Variants in LARGE1 observed in about 807,000 individuals in gnomAD.
The protein encoded by LARGE1 is xylosyl- and glucuronyltransferase LARGE1.
In LARGE1, 43 loss-of-function variants were observed where a neutral mutation model predicts 87.6. The ratio of observed to expected loss-of-function variants is 0.49; its 90% CI spans 0.38 to 0.63. The LOEUF is 0.63. Among genes scored for constraint, LARGE1 ranks in the 30% least tolerant of loss-of-function variants. The pLI is 0.00. For missense variants in LARGE1, 802 were observed against 1,000.2 expected, an observed-to-expected ratio of 0.80 and a Z score of 2.67; for synonymous variants, 434 against 394.6, an observed-to-expected ratio of 1.10 and a Z score of -1.18.
At chr22:33,560,209 A>T (rs2077814376) in intron 6 of LARGE1, among the ~76,000 whole-genome samples, 1 of 152,172 alleles carries the variant, frequency 6.6e-6, no homozygotes, top group Non-Finnish European at 1.5e-5. Context: ...TAATCACTTC[A>T]TGGGAGGGTT....
At chr22:33,889,473 A>C (rs1028473679) in intron 1 of LARGE1, among the ~76,000 whole-genome samples, 6 of 152,228 alleles carry the variant, frequency 3.9e-5, no homozygotes, top group African/African-American at 1.2e-4. Flanking sequence ...AATTTTGTGT[A>C]ATGGTTTCCT....
rs1184405355 is a variant in LARGE1 at position 33,626,134 on chromosome 22, C to G, written c.491+110G>C. ...TCAGACAAAAATTACATTTTTATGGCAGCTAGAATGATTGATGAGAAATTT... is the reference window on the plus strand; with the variant it reads ...TCAGACAAAAATTACATTTTTATGGGAGCTAGAATGATTGATGAGAAATTT... On this transcript the variant is annotated intron_variant, in intron 4 of 14. Transcript: ENST00000397394. The G allele has an allele frequency of 4.6e-6, 4 of 868,274 alleles. No homozygotes were observed. The African/African-American group carries it at 6.5e-5, about 14-fold the overall frequency. 53.8% of individuals were successfully genotyped at this position (868,274 alleles called of 1,614,324 possible).
At position 33,389,355 on chromosome 22, in the gene LARGE1, G is replaced by A. The variant is rs2065436078; in HGVS notation, c.893-5051C>T. On this transcript the variant is annotated intron_variant, in intron 7 of 14. Transcript: ENST00000397394. ...CTTAAAACCCACTGGGAGTTAAGCT[G>A]CTTATGGCTGGAAAGGCTGATCCAA... Among the ~76,000 whole-genome samples the A allele has an allele frequency of 5.3e-5, 8 of 152,316 alleles. No individual in the cohort carries two copies. In the South Asian group the frequency reaches 1.7e-3, roughly 32 times the overall value.
At chr22:33,169,378 A>C (rs1922439240) in intron 11 of LARGE1, among the ~76,000 whole-genome samples, 1 of 152,132 alleles carries the variant, frequency 6.6e-6, no homozygotes, top group South Asian at 2.1e-4. Context: ...GTGGGTTGCA[A>C]CTAGAGTCAA....
At chr22:33,650,170 A>C (rs977057189) in intron 3 of LARGE1, among the ~76,000 whole-genome samples, 197 bp downstream of exon 3, 2 of 152,208 alleles carry the variant, frequency 1.3e-5, no homozygotes, top group Non-Finnish European at 2.9e-5. Context: ...TCAGATGGGA[A>C]AACAGAAGCT....
At chr22:33,526,982 T>G (rs148484574) in intron 6 of LARGE1, among the ~76,000 whole-genome samples, 1 of 152,156 alleles carries the variant, frequency 6.6e-6, no homozygotes. Context: ...TCCGGCTGGG[T>G]GCAGTGGCAC....
intron 2 of LARGE1, among the ~76,000 whole-genome samples, chr22:33,736,505 G>T (rs957161394): frequency 6.6e-6 from 1 of 152,166 alleles, no homozygotes; most frequent in African/African-American, 2.4e-5. Flanking sequence ...TCATTGTTAA[G>T]TTATAAGAGT....
chr22:33,719,036 G>A (rs1363397068), intron 2 of LARGE1, among the ~76,000 whole-genome samples: 8 of 152,072 alleles, frequency 5.3e-5, no homozygotes, highest in South Asian at 2.1e-4. Context: ...TGATCCACCC[G>A]CCTCAGCCTC....
At chr22:33,684,066 C>G (rs1298346915) in intron 2 of LARGE1, among the ~76,000 whole-genome samples, 1 of 152,134 alleles carries the variant, frequency 6.6e-6, no homozygotes, top group Non-Finnish European at 1.5e-5. Context: ...GAGATACTAA[C>G]AGTTTTGTAG....
intron 5 of LARGE1, among the ~76,000 whole-genome samples, chr22:33,592,223 T>A (rs1405521578): frequency 6.7e-6 from 1 of 149,942 alleles, no homozygotes; most frequent in African/African-American, 2.5e-5. Flanking sequence ...GTGTTAAGAT[T>A]CATTTCAAGT....
At chr22:33,294,833 A>C (rs576408645) in intron 12 of LARGE1, among the ~76,000 whole-genome samples, 2 of 152,266 alleles carry the variant, frequency 1.3e-5, no homozygotes, top group East Asian at 3.9e-4. Flanking sequence ...GGAGGAATCT[A>C]TTTGTAACTG....
chr22:33,092,107 T>C, the LARGE1 span, among the ~76,000 whole-genome samples: 5 of 152,048 alleles, frequency 3.3e-5, no homozygotes, highest in African/African-American at 1.2e-4. Context: ...ACCATGTTGG[T>C]CAAGCTGGTC....
At chr22:33,445,578 G>T (rs572569985) in intron 6 of LARGE1, among the ~76,000 whole-genome samples, 1 of 151,892 alleles carries the variant, frequency 6.6e-6, no homozygotes, top group South Asian at 2.1e-4. Context: ...TGATCACTGA[G>T]ACAGAGCTCT....
intron 11 of LARGE1, among the ~76,000 whole-genome samples, chr22:33,176,181 G>C (rs1199432285): frequency 6.6e-6 from 1 of 152,092 alleles, no homozygotes; most frequent in Non-Finnish European, 1.5e-5. Context: ...TTAAATGTAA[G>C]ACCTAAAACC....
chr22:33,454,833 G>A (rs1193877101), intron 6 of LARGE1, among the ~76,000 whole-genome samples: 1 of 151,950 alleles, frequency 6.6e-6, no homozygotes, highest in Non-Finnish European at 1.5e-5. Context: ...ACCAGATCTC[G>A]AGAGAACTCT....
At chr22:33,670,441 G>C (rs1337612934) in intron 2 of LARGE1, among the ~76,000 whole-genome samples, 36 of 151,654 alleles carry the variant, frequency 2.4e-4, no homozygotes, top group Admixed American at 2.4e-3. Context: ...ACATGTTCAA[G>C]CAGAGGAAAC....
At chr22:33,321,449 G>A (rs79498003) in intron 10 of LARGE1, among the ~76,000 whole-genome samples, 1,939 of 152,308 alleles carry the variant, frequency 0.013, 49 homozygotes, top group African/African-American at 0.043. Flanking sequence ...GGCAGAAAAC[G>A]TAACCAACTG....
chr22:33,524,725 TCTGCCAAAA>T, intron 6 of LARGE1, among the ~76,000 whole-genome samples: 1 of 149,184 alleles, frequency 6.7e-6, no homozygotes, highest in East Asian at 2.0e-4. Context: ...GGTTGGCTGA[TCTGCCAAAA>T]CTTTCTAGGT....
chr22:33,612,457 G>A (rs1204091026), intron 4 of LARGE1, among the ~76,000 whole-genome samples: 1 of 152,166 alleles, frequency 6.6e-6, no homozygotes, highest in Non-Finnish European at 1.5e-5. Context: ...GGTGACATAG[G>A]GCTAACTACA....
Sources: allele counts gnomAD v4.1 joint callset (sites outside exome capture counted in the v4.1 genomes callset), GRCh38; gene constraint gnomAD v4.1.1; transcripts MANE v1.5; gene names NCBI Gene and HGNC (gene_info 2026-07-23, HGNC 2026-07-21).